Variants in ERBB4 observed in about 807,000 individuals in gnomAD.
ERBB4 encodes the protein receptor tyrosine-protein kinase erbB-4.
A neutral mutation model predicts 158.0 loss-of-function variants in ERBB4; 42 were observed. The ratio of observed to expected loss-of-function variants is 0.27; its 90% CI spans 0.21 to 0.34. The LOEUF (loss-of-function observed/expected upper bound fraction) is 0.34. ERBB4 is among the 10% of genes least tolerant of loss of function. ERBB4 has a pLI of 1.00. For missense variants in ERBB4, 1,333 were observed against 1,624.1 expected (o/e 0.82, Z 3.08); for synonymous variants, 583 against 558.7 (o/e 1.04, Z -0.61).
At chr2:211,985,692 A>ATTATAAAAT (rs1312805229) in intron 2 of ERBB4, among the ~76,000 whole-genome samples, 1 of 151,870 alleles carries the variant, frequency 6.6e-6, no homozygotes, top group East Asian at 1.9e-4. Flanking sequence ...ATTATAAAAT[A>ATTATAAAAT]ATTTATTATT....
intron 1 of ERBB4, among the ~76,000 whole-genome samples, chr2:212,318,390 G>A (rs73068268): frequency 0.031 from 4,760 of 151,596 alleles, 191 homozygotes; most frequent in African/African-American, 0.096. Context: ...AATGAGGAAA[G>A]AACTTTTTCC....
intron 15 of ERBB4, among the ~76,000 whole-genome samples, chr2:211,661,150 A>G (rs571305371): frequency 1.3e-5 from 2 of 152,208 alleles, no homozygotes; most frequent in Admixed American, 6.5e-5. Flanking sequence ...ACTGAGAATG[A>G]AAGAAAAAAA....
At chr2:211,763,897 T>TACACACACACACACACACAC (rs58206154) in intron 4 of ERBB4, among the ~76,000 whole-genome samples, 1,862 of 150,050 alleles carry the variant, frequency 0.012, 12 homozygotes, top group African/African-American at 0.013. Context: ...TGCGTGTGTA[T>TACACACACACACACACACAC]ACACACACAC....
intron 1 of ERBB4, among the ~76,000 whole-genome samples, chr2:212,482,640 C>T (rs534289289): frequency 1.9e-3 from 291 of 152,234 alleles, no homozygotes; most frequent in Non-Finnish European, 3.4e-3. Context: ...TTTTCTGAGA[C>T]GAAGACTTGC....
chr2:212,354,576 T>A (rs2089392505), intron 1 of ERBB4, among the ~76,000 whole-genome samples: 1 of 152,142 alleles, frequency 6.6e-6, no homozygotes, highest in African/African-American at 2.4e-5. Flanking sequence ...TATCTCATTC[T>A]TACACCAGCA....
At chr2:211,861,695 TA>T (rs926282834) in intron 3 of ERBB4, among the ~76,000 whole-genome samples, 4 of 152,214 alleles carry the variant, frequency 2.6e-5, no homozygotes, top group African/African-American at 9.6e-5. Flanking sequence ...AAATACTCAT[TA>T]AAAAATTACA....
At chr2:212,321,402 T>C (rs933769479) in intron 1 of ERBB4, among the ~76,000 whole-genome samples, 1 of 150,528 alleles carries the variant, frequency 6.6e-6, no homozygotes, top group Non-Finnish European at 1.5e-5. Context: ...CTGAACTGTT[T>C]ATATGGCAGA....
intron 1 of ERBB4, among the ~76,000 whole-genome samples, chr2:212,326,725 G>A (rs1030377255): frequency 6.6e-6 from 1 of 150,794 alleles, no homozygotes; most frequent in Non-Finnish European, 1.5e-5. Context: ...TCACGACACA[G>A]CTGCGTTTGT....
At chr2:211,653,479 C>A (rs938644428) in intron 16 of ERBB4, among the ~76,000 whole-genome samples, 3 of 147,182 alleles carry the variant, frequency 2.0e-5, no homozygotes, top group Non-Finnish European at 3.0e-5. Context: ...CCGCACCCGC[C>A]CCCCCCCACG....
intron 19 of ERBB4, among the ~76,000 whole-genome samples, chr2:211,577,467 C>A (rs902708607): frequency 6.6e-6 from 1 of 151,958 alleles, no homozygotes; most frequent in African/African-American, 2.4e-5. Context: ...TTTATGAGGC[C>A]AGTATCATCC....
rs1206783169 is a variant in ERBB4, at chr2:211,941,804, C to A, written c.421+5626G>T. Among the ~76,000 whole-genome samples, 3 of 144,124 alleles carry A rather than the reference C, an allele frequency of 2.1e-5. No homozygotes were observed. The Admixed American group carries it at 2.1e-4, about 10-fold the overall frequency. The allele number at this position is 144,124 out of a possible 152,430, so 94.6% of individuals were successfully genotyped here. A position where few individuals can be genotyped will look rare whatever the true frequency, so the allele number is the denominator to read the frequency against. On this transcript the variant is annotated intron_variant, in intron 3 of 27. Transcript: ENST00000342788. ...CTATCCGAATACGCAGAAACAAATA[C>A]AATAGTTTTCTCAATGTGGTAAAAC... is the stretch of plus-strand genomic sequence containing the variant.
At chr2:212,376,733 T>C (rs1329629691) in intron 1 of ERBB4, among the ~76,000 whole-genome samples, 5 of 152,014 alleles carry the variant, frequency 3.3e-5, no homozygotes, top group African/African-American at 1.2e-4. Context: ...GGACCCTCAG[T>C]TTTTTAGGAA....
intron 3 of ERBB4, among the ~76,000 whole-genome samples, chr2:211,817,923 G>A (rs544503498): frequency 3.9e-5 from 6 of 152,212 alleles, no homozygotes; most frequent in Non-Finnish European, 5.9e-5. Flanking sequence ...CTCTATATAC[G>A]TTCTTGCAGG....
At chr2:212,021,371 G>T (rs191436576) in intron 2 of ERBB4, among the ~76,000 whole-genome samples, 39 of 152,022 alleles carry the variant, frequency 2.6e-4, no homozygotes, top group African/African-American at 9.4e-4. Flanking sequence ...ATAAAAACAG[G>T]CACATAGACC....
intron 1 of ERBB4, among the ~76,000 whole-genome samples, chr2:212,339,480 G>T (rs1429192507): frequency 1.3e-5 from 2 of 151,982 alleles, no homozygotes; most frequent in African/African-American, 4.8e-5. Context: ...TTAACCCTAG[G>T]GTCAGGTTCA....
At chr2:211,690,901 C>A (rs968482414) in intron 12 of ERBB4, among the ~76,000 whole-genome samples, 2 of 152,098 alleles carry the variant, frequency 1.3e-5, no homozygotes, top group African/African-American at 4.8e-5. Flanking sequence ...CTGGAAGCTG[C>A]AAAATAGATT....
chr2:212,030,818 G>C (rs1404274537), intron 2 of ERBB4, among the ~76,000 whole-genome samples: 1 of 152,080 alleles, frequency 6.6e-6, no homozygotes, highest in East Asian at 1.9e-4. Flanking sequence ...AGCAGAGAAA[G>C]TTCCAGGAGG....
chr2:211,376,157 G>C lies in ERBB4; in HGVS notation c.*7458C>G, dbSNP rs1369535901. 4.3e-6 allele frequency: 1 copy of C among 233,064 alleles called. No homozygotes were observed. The highest frequency in any genetic ancestry group is 8.5e-6 in the Non-Finnish European group (1 of 117,716). 14.4% of individuals were successfully genotyped at this position (233,064 alleles called of 1,614,324 possible). A position where few individuals can be genotyped will look rare whatever the true frequency, so the allele number is the denominator to read the frequency against. On this transcript the variant is annotated 3_prime_UTR_variant, in exon 28 of 28. Coordinates refer to ENST00000342788, the MANE Select transcript of ERBB4 (RefSeq NM_005235.3). ...AATAACATTACACCACACACAATTG[G>C]CATATCCTATTGTGTAAGCGAGTGC...
chr2:211,474,381 TA>T (rs1466595965), intron 20 of ERBB4, among the ~76,000 whole-genome samples: 1 of 152,102 alleles, frequency 6.6e-6, no homozygotes, highest in East Asian at 1.9e-4. Context: ...TAATTAATTT[TA>T]TTAGAATCAC....
Sources: allele counts gnomAD v4.1 joint callset (sites outside exome capture counted in the v4.1 genomes callset), GRCh38; gene constraint gnomAD v4.1.1; transcripts MANE v1.5; gene names NCBI Gene and HGNC (gene_info 2026-07-23, HGNC 2026-07-21).